The following NKAIN2 variants were observed in gnomAD, a reference collection of about 807,000 sequenced individuals.
NKAIN2 encodes the protein sodium/potassium-transporting ATPase subunit beta-1-interacting protein 2.
Under a neutral mutation model 32.6 loss-of-function variants are expected in NKAIN2, and 14 were observed. That is an observed-to-expected ratio of 0.43 (90% CI 0.28 to 0.67). The LOEUF (loss-of-function observed/expected upper bound fraction) is 0.67, where lower values mean the gene tolerates loss of function less well. Ranked by LOEUF, NKAIN2 falls within the 30% of genes least tolerant of loss-of-function variation. NKAIN2 has a pLI of 0.17. For missense variants in NKAIN2, 198 were observed against 258.3 expected (o/e 0.77, Z 1.60); for synonymous variants, 80 against 87.2 (o/e 0.92, Z 0.46).
chr6:124,180,603 C>A (rs1789393533), intron 1 of NKAIN2, among the ~76,000 whole-genome samples: 2 of 152,286 alleles, frequency 1.3e-5, no homozygotes, highest in South Asian at 4.2e-4. Flanking sequence ...CCAATCATGC[C>A]TTCCCAGCAG....
chr6:123,820,787 G>C (rs530774585), intron 1 of NKAIN2, among the ~76,000 whole-genome samples: 4 of 152,102 alleles, frequency 2.6e-5, no homozygotes, highest in Non-Finnish European at 4.4e-5. Flanking sequence ...CTATTTAGCC[G>C]TACCCCTCAA....
intron 1 of NKAIN2, among the ~76,000 whole-genome samples, chr6:124,254,045 G>A (rs920313044): frequency 2.0e-5 from 3 of 151,654 alleles, no homozygotes; most frequent in African/African-American, 7.3e-5. Flanking sequence ...TCGTTCTCTT[G>A]ACCTCGTGAT....
chr6:123,815,762 A>T (rs936367415), intron 1 of NKAIN2, among the ~76,000 whole-genome samples: 1 of 152,106 alleles, frequency 6.6e-6, no homozygotes, highest in African/African-American at 2.4e-5. Flanking sequence ...TACATACTTG[A>T]TATATACAAT....
chr6:123,846,189 C>G lies in NKAIN2; in HGVS notation c.54+41935C>G, dbSNP rs188315448. ...GCTGAGTCGTTATTAGGCTTTCAACCCTATCATTTCTAGGTGTGTGTAAAC... is the reference window on the plus strand; with the variant it reads ...GCTGAGTCGTTATTAGGCTTTCAACGCTATCATTTCTAGGTGTGTGTAAAC... On this transcript the variant is annotated intron_variant, in intron 1 of 6. Transcript: ENST00000368417. Among the ~76,000 whole-genome samples the G allele has an allele frequency of 5.4e-4, 82 of 152,238 alleles. 1 individual carries two copies. The highest frequency in any genetic ancestry group is 1.2e-3 in the Admixed American group (19 of 15,296).
chr6:124,140,930 T>A (rs1050876496), intron 1 of NKAIN2, among the ~76,000 whole-genome samples: 1 of 152,186 alleles, frequency 6.6e-6, no homozygotes, highest in African/African-American at 2.4e-5. Flanking sequence ...GCTGATAATA[T>A]TTTTACTAAT....
At chr6:124,654,997 TAGAA>T (rs1331932364) in intron 3 of NKAIN2, among the ~76,000 whole-genome samples, 1 of 152,140 alleles carries the variant, frequency 6.6e-6, no homozygotes, top group African/African-American at 2.4e-5. Context: ...GTTACTGTAT[TAGAA>T]AGAGGAGCTA....
chr6:124,021,837 G>C (rs1780880749), intron 1 of NKAIN2, among the ~76,000 whole-genome samples: 1 of 152,036 alleles, frequency 6.6e-6, no homozygotes. Context: ...GTTTGCATGA[G>C]ATTTCTCTGA....
intron 3 of NKAIN2, among the ~76,000 whole-genome samples, chr6:124,526,472 G>A (rs1779317546): frequency 6.6e-6 from 1 of 152,052 alleles, no homozygotes; most frequent in South Asian, 2.1e-4. Flanking sequence ...TCTTCCACAT[G>A]TTAATTGCTA....
At chr6:123,844,442 C>T (rs1472678960) in intron 1 of NKAIN2, among the ~76,000 whole-genome samples, 1 of 152,152 alleles carries the variant, frequency 6.6e-6, no homozygotes, top group Non-Finnish European at 1.5e-5. Context: ...CTCACATCCC[C>T]TTTAACTGCT....
At chr6:124,257,243 C>G (rs1336222664) in intron 1 of NKAIN2, among the ~76,000 whole-genome samples, 1 of 152,028 alleles carries the variant, frequency 6.6e-6, no homozygotes, top group Non-Finnish European at 1.5e-5. Flanking sequence ...CTGGGAATCT[C>G]TAGCTTCAAG....
At position 124,236,068 on chromosome 6, in the gene NKAIN2, G is replaced by A. The variant is rs190100845; in HGVS notation, c.55-46937G>A. ...TTTCCTCTCACTGAGGTCTTGAGTG[G>A]CATTCTTGGATAACATCTAGTAAAG... On this transcript the variant is annotated intron_variant, in intron 1 of 6. Coordinates refer to ENST00000368417, the MANE Select transcript of NKAIN2 (RefSeq NM_001040214.3). Among the ~76,000 whole-genome samples the A allele has an allele frequency of 1.2e-3, 179 of 151,920 alleles. 1 individual carries two copies. Among genetic ancestry groups the A allele is most frequent in the African/African-American group, 4.0e-3 (165 of 41,380 alleles).
chr6:124,330,294 T>C (rs983786320), intron 2 of NKAIN2, among the ~76,000 whole-genome samples: 2 of 152,196 alleles, frequency 1.3e-5, no homozygotes, highest in African/African-American at 4.8e-5. Context: ...AGTACCTCGG[T>C]AATAGACTCT....
chr6:124,048,272 A>G (rs568580510), intron 1 of NKAIN2, among the ~76,000 whole-genome samples: 71 of 152,126 alleles, frequency 4.7e-4, no homozygotes, highest in African/African-American at 1.7e-3. Context: ...GGCTTTTACA[A>G]AGAATTATAC....
In NKAIN2 at chr6:123,822,793, T is replaced by C. The variant is rs1582594313; in HGVS notation, c.54+18539T>C. Among the ~76,000 whole-genome samples, 4 of 152,344 alleles carry C rather than the reference T, an allele frequency of 2.6e-5. No individual in the cohort carries two copies. The South Asian group carries it at 6.2e-4, about 24-fold the overall frequency. ...TGTAACTTTGCACAAATTATTTCTC[T>C]ATGCCTCAATTTCTTAATCTGTAAT... On this transcript the variant is annotated intron_variant, in intron 1 of 6. Transcript: ENST00000368417.
chr6:124,707,492 T>C (rs890292766), intron 4 of NKAIN2, among the ~76,000 whole-genome samples: 21 of 146,716 alleles, frequency 1.4e-4, no homozygotes, highest in African/African-American at 4.9e-4. Context: ...CCACATCCTC[T>C]CCAGCACCTG....
intron 1 of NKAIN2, among the ~76,000 whole-genome samples, chr6:124,239,659 G>A (rs1239594963): frequency 2.0e-5 from 3 of 152,100 alleles, no homozygotes; most frequent in African/African-American, 7.2e-5. Flanking sequence ...GGTAAATAAT[G>A]AAATTAAGGC....
intron 3 of NKAIN2, among the ~76,000 whole-genome samples, chr6:124,364,589 A>T (rs1335416722): frequency 6.6e-6 from 1 of 152,094 alleles, no homozygotes; most frequent in African/African-American, 2.4e-5. Context: ...ATTGAATGAC[A>T]TCTTTAAAGT....
intron 1 of NKAIN2, among the ~76,000 whole-genome samples, chr6:124,158,068 G>A (rs1788077087): frequency 6.6e-6 from 1 of 152,090 alleles, no homozygotes; most frequent in Non-Finnish European, 1.5e-5. Context: ...AGTTTGTTAG[G>A]ACTGCCATAA....
At chr6:124,072,796 G>A (rs1783522327) in intron 1 of NKAIN2, among the ~76,000 whole-genome samples, 1 of 152,018 alleles carries the variant, frequency 6.6e-6, no homozygotes, top group Non-Finnish European at 1.5e-5. Flanking sequence ...TTTGACCTGT[G>A]TACCCCTGTT....
Sources: allele counts gnomAD v4.1 joint callset (sites outside exome capture counted in the v4.1 genomes callset), GRCh38; gene constraint gnomAD v4.1.1; transcripts MANE v1.5; gene names NCBI Gene and HGNC (gene_info 2026-07-23, HGNC 2026-07-21).